The following MAP2K4 variants were observed in gnomAD, a reference collection of about 807,000 sequenced individuals.
MAP2K4 encodes mitogen-activated protein kinase kinase 4, also known as dual specificity mitogen-activated protein kinase kinase 4.
Under a neutral mutation model 48.5 loss-of-function variants are expected in MAP2K4, and 4 were observed. That is an observed-to-expected ratio of 0.08 (90% CI 0.04 to 0.19). MAP2K4 has a LOEUF of 0.19. MAP2K4 is among the 10% of genes least tolerant of loss of function. MAP2K4 has a pLI of 1.00. For synonymous variants in MAP2K4, 166 were observed against 173.1 expected (o/e 0.96, Z 0.32); for missense variants, 258 against 493.3 (o/e 0.52, Z 4.52).
intron 8 of MAP2K4, 123 bp downstream of exon 8, chr17:12,125,494 AGTTGCTG>A: frequency 2.7e-6 from 2 of 738,410 alleles, no homozygotes; most frequent in Admixed American, 2.5e-5. Context: ...TATGGTTTTA[AGTTGCTG>A]AAAAAAAAAA....
chr17:12,138,578 A>G (rs922364356), intron 9 of MAP2K4, among the ~76,000 whole-genome samples: 12 of 152,204 alleles, frequency 7.9e-5, no homozygotes, highest in African/African-American at 1.7e-4. Context: ...AAATCCATGT[A>G]TAAGTGGATT....
intron 1 of MAP2K4, among the ~76,000 whole-genome samples, chr17:12,025,088 A>G (rs568218393): frequency 1.4e-4 from 21 of 152,368 alleles, no homozygotes; most frequent in African/African-American, 5.0e-4. Flanking sequence ...TAGTAGCTGT[A>G]GCAGCTAGCG....
intron 2 of MAP2K4, among the ~76,000 whole-genome samples, chr17:12,078,168 G>T (rs1971073973): frequency 6.6e-6 from 1 of 152,204 alleles, no homozygotes; most frequent in Admixed American, 6.5e-5. Flanking sequence ...CATAAATGAG[G>T]ATCCTGTTAG....
intron 2 of MAP2K4, among the ~76,000 whole-genome samples, chr17:12,064,141 T>A (rs557772700): frequency 6.6e-6 from 1 of 152,250 alleles, no homozygotes; most frequent in East Asian, 1.9e-4. Context: ...CCCAGTTTAC[T>A]TTTTTGTTTT....
chr17:12,098,005 T>C, intron 4 of MAP2K4, among the ~76,000 whole-genome samples: 1 of 152,218 alleles, frequency 6.6e-6, no homozygotes. Context: ...ACTTTCTGAA[T>C]AATAAGAGTT....
intron 1 of MAP2K4, among the ~76,000 whole-genome samples, chr17:12,040,912 C>CT (rs1242116034): frequency 6.6e-6 from 1 of 152,156 alleles, no homozygotes; most frequent in Admixed American, 6.5e-5. Context: ...CATCATCTAA[C>CT]TTTAACTAAA....
rs1226713597 is a variant in MAP2K4, at chr17:12,142,789, T to C, written c.*1529T>C. ...CATTAGCCAGGTTCTCATTAGGTTT[T>C]GCTTGGGCCTCCCTGGCACTGAACC... On this transcript the variant is annotated 3_prime_UTR_variant, in exon 11 of 11. Transcript: ENST00000353533. 4.3e-6 allele frequency: 1 copy of C among 232,882 alleles called. No individual in the cohort carries two copies. The highest frequency in any genetic ancestry group is 8.5e-6 in the Non-Finnish European group (1 of 117,856). 14.4% of individuals were successfully genotyped at this position (232,882 alleles called of 1,614,324 possible). A position where few individuals can be genotyped will look rare whatever the true frequency, so the allele number is the denominator to read the frequency against.
intron 1 of MAP2K4, chr17:12,036,438 A>C (rs1969600750): frequency 6.6e-6 from 1 of 152,312 alleles, no homozygotes; most frequent in East Asian, 1.9e-4. Context: ...GTTGTTTAGA[A>C]TATGACTTAC....
chr17:12,079,871 G>A (rs1487480971), intron 2 of MAP2K4, among the ~76,000 whole-genome samples: 1 of 152,100 alleles, frequency 6.6e-6, no homozygotes, highest in African/African-American at 2.4e-5. Context: ...ATCAGTTCCA[G>A]CTTCATCTTC....
At chr17:12,068,812 T>C (rs1480533103) in intron 2 of MAP2K4, among the ~76,000 whole-genome samples, 2 of 152,110 alleles carry the variant, frequency 1.3e-5, no homozygotes, top group Non-Finnish European at 2.9e-5. Context: ...TCTGTGCTTA[T>C]GTGCATGTAT....
intron 5 of MAP2K4, among the ~76,000 whole-genome samples, chr17:12,110,067 A>G (rs1972253599): frequency 6.6e-6 from 1 of 152,178 alleles, no homozygotes; most frequent in African/African-American, 2.4e-5. Context: ...GGGAAAAAAA[A>G]AAAGGAAATT....
At chr17:12,038,239 GT>G (rs1367108830) in intron 1 of MAP2K4, among the ~76,000 whole-genome samples, 1 of 152,068 alleles carries the variant, frequency 6.6e-6, no homozygotes, top group Non-Finnish European at 1.5e-5. Context: ...TAGGGTGATG[GT>G]TTTCAGATAA....
In MAP2K4 at chr17:12,129,138, G is replaced by T; in HGVS notation, c.892-1G>T. On this transcript the variant is annotated splice_acceptor_variant, in intron 8 of 10. Coordinates refer to ENST00000353533, the MANE Select transcript of MAP2K4 (RefSeq NM_003010.4). LOFTEE classifies it high-confidence loss of function. ...TGCTCTTTCCTCTTTGTTCTCTTTA[G>T]TATGAGTTGGCCACAGGCCGATTTC... 1 of 1,613,472 alleles carries T rather than the reference G, an allele frequency of 6.2e-7. No individual in the cohort carries two copies. The highest frequency in any genetic ancestry group is 8.5e-7 in the Non-Finnish European group (1 of 1,179,900).
At position 12,060,728 on chromosome 17, in the gene MAP2K4, G is replaced by GGTGTGTGTGTGT. The variant is rs368390462; in HGVS notation, c.218+5745_218+5756dup. Among the ~76,000 whole-genome samples the GGTGTGTGTGTGT allele has an allele frequency of 6.7e-5, 10 of 150,352 alleles. No homozygotes were observed. In the East Asian group the frequency reaches 1.2e-3, roughly 18 times the overall value. On this transcript the variant is annotated intron_variant, in intron 2 of 10. Coordinates refer to ENST00000353533, the MANE Select transcript of MAP2K4 (RefSeq NM_003010.4). ...ATCTCAAATGTGTTAAATACTATGG[G>GGTGTGTGTGTGT]GTGTGTGTGTGTGTGTGTGCGCGCG...
intron 7 of MAP2K4, among the ~76,000 whole-genome samples, chr17:12,116,866 C>T (rs1445598978): frequency 6.6e-6 from 1 of 152,064 alleles, no homozygotes. Flanking sequence ...GTGTACTGTA[C>T]ATAATTGTAT....
At chr17:12,136,792 G>A (rs1229903565) in intron 9 of MAP2K4, among the ~76,000 whole-genome samples, 1 of 152,148 alleles carries the variant, frequency 6.6e-6, no homozygotes, top group African/African-American at 2.4e-5. Flanking sequence ...GAAAGGTATG[G>A]CAGCTTTACA....
chr17:12,067,324 C>T (rs1970648208), intron 2 of MAP2K4, among the ~76,000 whole-genome samples: 1 of 152,016 alleles, frequency 6.6e-6, no homozygotes, highest in African/African-American at 2.4e-5. Context: ...ATTTTCAGCC[C>T]TTTTCTTGTC....
intron 2 of MAP2K4, among the ~76,000 whole-genome samples, chr17:12,063,815 A>G (rs1347092858): frequency 6.6e-6 from 1 of 151,858 alleles, no homozygotes; most frequent in Non-Finnish European, 1.5e-5. Context: ...TCTACTAAAA[A>G]TACAAAATTA....
intron 3 of MAP2K4, among the ~76,000 whole-genome samples, chr17:12,091,751 G>A (rs1971570200): frequency 6.6e-6 from 1 of 151,670 alleles, no homozygotes; most frequent in Admixed American, 6.6e-5. Flanking sequence ...ATGCAATCTT[G>A]AATACAGATT....
Sources: allele counts gnomAD v4.1 joint callset (sites outside exome capture counted in the v4.1 genomes callset), GRCh38; gene constraint gnomAD v4.1.1; transcripts MANE v1.5; gene names NCBI Gene and HGNC (gene_info 2026-07-23, HGNC 2026-07-21).